The following PCDHA9 variants were observed in gnomAD, a reference collection of about 807,000 sequenced individuals.
PCDHA9 encodes protocadherin alpha-9.
Under a neutral mutation model 62.0 loss-of-function variants are expected in PCDHA9, and 62 were observed. The ratio of observed to expected loss-of-function variants is 1.00; its 90% CI spans 0.81 to 1.23. PCDHA9 has a LOEUF of 1.23. PCDHA9 is among the 50% of genes most tolerant of loss of function. PCDHA9 has a pLI of 0.00. For synonymous variants in PCDHA9, 557 were observed against 567.6 expected (o/e 0.98, Z 0.27); for missense variants, 1,205 against 1,249.8 (o/e 0.96, Z 0.54).
intron 1 of PCDHA9, among the ~76,000 whole-genome samples, chr5:140,949,264 G>A (rs139292588): frequency 4.5e-4 from 69 of 151,784 alleles, no homozygotes; most frequent in Admixed American, 2.4e-3. Flanking sequence ...AACATATCAC[G>A]TGCACTTGAA....
intron 1 of PCDHA9, chr5:140,862,465 G>A (rs1462351326): frequency 8.1e-6 from 3 of 371,280 alleles, no homozygotes; most frequent in Non-Finnish European, 1.6e-5. Flanking sequence ...GACCAAGAGA[G>A]CAAATCTATC....
At chr5:140,898,701 A>G (rs1216294301) in intron 1 of PCDHA9, among the ~76,000 whole-genome samples, 2 of 152,102 alleles carry the variant, frequency 1.3e-5, no homozygotes, top group African/African-American at 4.8e-5. Context: ...ATGAACTTTA[A>G]AGTAGTTTTT....
chr5:140,859,506 C>A, intron 1 of PCDHA9: 1 of 197,142 alleles, frequency 5.1e-6, no homozygotes, highest in Non-Finnish European at 1.0e-5. Flanking sequence ...ACCTGATACC[C>A]ATGATTTCAT....
At chr5:140,904,399 T>C (rs1583526237) in intron 1 of PCDHA9, among the ~76,000 whole-genome samples, 1 of 151,316 alleles carries the variant, frequency 6.6e-6, no homozygotes, top group East Asian at 1.9e-4. Flanking sequence ...TTCCATGGTG[T>C]ATTATATATA....
chr5:140,875,002 T>C (rs1441765842), intron 1 of PCDHA9, among the ~76,000 whole-genome samples: 2 of 152,238 alleles, frequency 1.3e-5, no homozygotes, highest in African/African-American at 4.8e-5. Context: ...TCATTTTCCA[T>C]GATAAAGTGT....
At chr5:140,863,232 G>C in intron 1 of PCDHA9, 1 of 1,230,740 alleles carries the variant, frequency 8.1e-7, no homozygotes, top group Non-Finnish European at 1.1e-6. Context: ...AGGTCCCATC[G>C]CGGGCTTTGG....
chr5:140,855,635 T>G (rs1281474999), intron 1 of PCDHA9, among the ~76,000 whole-genome samples: 4 of 149,818 alleles, frequency 2.7e-5, no homozygotes, highest in African/African-American at 7.4e-5. Flanking sequence ...ATTCGGCTAT[T>G]GATAATCATG....
chr5:140,962,595 A>G (rs1307695991), intron 1 of PCDHA9, among the ~76,000 whole-genome samples: 1 of 152,192 alleles, frequency 6.6e-6, no homozygotes, highest in Non-Finnish European at 1.5e-5. Flanking sequence ...TTTGACTGAT[A>G]TATTTCTTCT....
Position 140,849,938 on chromosome 5 carries a change from C to A in PCDHA9, c.1443C>A (p.Asp481Glu). The A allele has an allele frequency of 2.5e-6, 4 of 1,598,014 alleles. 1 individual carries two copies. Among genetic ancestry groups the A allele is most frequent in the Non-Finnish European group, 3.4e-6 (4 of 1,167,752 alleles). The change falls in exon 1 of 4, where the codon GAC becomes GAA. Residue 481 changes from aspartate to glutamate, a missense_variant. Around this residue, in one of 3 missense-constraint regions of PCDHA9, gnomAD observed 887 missense variants for 809.5 expected, o/e 1.10. Transcript: ENST00000532602. ...ACATCTTCACGGTGTCTGCGCGGGACGCTGACGCGCAGGAGAACGCCCTGG... is the reference window on the plus strand; with the variant it reads ...ACATCTTCACGGTGTCTGCGCGGGAAGCTGACGCGCAGGAGAACGCCCTGG... ...GCHIFTVSAR[D>E]ADAQENALVS...
intron 1 of PCDHA9, among the ~76,000 whole-genome samples, chr5:140,855,450 T>C (rs1304022224): frequency 6.7e-6 from 1 of 149,974 alleles, no homozygotes; most frequent in African/African-American, 2.4e-5. Context: ...TTCGGAGTTA[T>C]AAACACCTCA....
Position 141,010,015 on chromosome 5 carries a change from C to T in PCDHA9, c.*78C>T, listed in dbSNP as rs1588250671. On this transcript the variant is annotated 3_prime_UTR_variant, in exon 4 of 4. Transcript: ENST00000532602. ...CTCTCCCATGTAGCAATTCCCTGCTCCTTTTTCCTATCTACATGAGCCCTC... is the reference window on the plus strand; with the variant it reads ...CTCTCCCATGTAGCAATTCCCTGCTTCTTTTTCCTATCTACATGAGCCCTC... 7 of 1,572,182 alleles carry T rather than the reference C, an allele frequency of 4.5e-6. No individual in the cohort carries two copies. In the East Asian group the frequency reaches 1.3e-4, roughly 30 times the overall value.
intron 1 of PCDHA9, among the ~76,000 whole-genome samples, chr5:140,951,315 C>T (rs782114634): frequency 6.6e-6 from 1 of 151,988 alleles, no homozygotes. Context: ...ATGTGTTATT[C>T]TTGAGATTCA....
intron 1 of PCDHA9, among the ~76,000 whole-genome samples, chr5:140,962,792 T>C (rs1554226245): frequency 6.6e-6 from 1 of 152,234 alleles, no homozygotes; most frequent in African/African-American, 2.4e-5. Context: ...AAAAACTACT[T>C]TGGACAACTC....
intron 1 of PCDHA9, among the ~76,000 whole-genome samples, chr5:140,907,882 G>T (rs895415928): frequency 6.6e-6 from 1 of 152,168 alleles, no homozygotes; most frequent in Non-Finnish European, 1.5e-5. Context: ...GCACTCACAT[G>T]GGATACAAAT....
intron 1 of PCDHA9, chr5:140,869,202 C>T (rs2050919461): frequency 3.1e-6 from 5 of 1,613,890 alleles, no homozygotes; most frequent in African/African-American, 2.7e-5. Flanking sequence ...AGCTCCACTA[C>T]TCCGTCTCGG....
chr5:140,875,460 C>T (rs1380748731), intron 1 of PCDHA9: 2 of 1,598,406 alleles, frequency 1.3e-6, no homozygotes, highest in Middle Eastern at 1.7e-4. Flanking sequence ...CTCAGAGGCC[C>T]TCATTTTCTG....
rs140138948 is a variant in PCDHA9 at position 140,849,650 on chromosome 5, T to G, written c.1155T>G (p.Val385=). The G allele has an allele frequency of 0.022, 35,883 of 1,598,700 alleles. 3,605 individuals carry two copies. The highest frequency in any genetic ancestry group is 0.044 in the Middle Eastern group (261 of 5,946). Residue 385 remains valine (V), a synonymous_variant, in exon 1 of 4, where the codon GTT becomes GTG. Coordinates refer to ENST00000532602, the MANE Select transcript of PCDHA9 (RefSeq NM_031857.2). The stretch of plus-strand genomic sequence containing the variant: ...TAGACGCAGATGCCAACGGGCAGGT[T>G]ACCTGCTCCCTGACGCCCCACGTCC... ...IDLDADANGQ[V]TCSLTPHVPF...
chr5:140,916,193 C>T lies in PCDHA9; in HGVS notation c.2395-62756C>T, dbSNP rs536117096. On this transcript the variant is annotated intron_variant, in intron 1 of 3. Transcript: ENST00000532602. ...CTGGGACTCTTCAAGGAAGTGGGCACCCCTCTGCCCTGGGGAAGATCCAAA... is the reference window on the plus strand; with the variant it reads ...CTGGGACTCTTCAAGGAAGTGGGCATCCCTCTGCCCTGGGGAAGATCCAAA... 1.6e-4 allele frequency among the ~76,000 whole-genome samples: 25 copies of T among 152,256 alleles called. No individual in the cohort carries two copies. In the South Asian group the frequency reaches 5.0e-3, roughly 30 times the overall value.
chr5:140,902,526 T>C (rs1388582391), intron 1 of PCDHA9, among the ~76,000 whole-genome samples: 1 of 152,140 alleles, frequency 6.6e-6, no homozygotes, highest in African/African-American at 2.4e-5. Flanking sequence ...GTTTTTATTA[T>C]GTTGAGGTAT....
Sources: gnomAD v4.1 joint callset for allele counts (sites outside exome capture counted in the v4.1 genomes callset) on GRCh38, gnomAD v4.1.1 for gene constraint, gnomAD v4.1.1 regional missense constraint, MANE v1.5 for transcripts, NCBI Gene and HGNC (gene_info 2026-07-23, HGNC 2026-07-21) for gene names.